Variants in MERTK observed in about 807,000 individuals in gnomAD.
MERTK encodes the protein tyrosine-protein kinase Mer.
A neutral mutation model predicts 99.3 loss-of-function variants in MERTK; 69 were observed. The observed-to-expected ratio is 0.70, with a 90% confidence interval of 0.57 to 0.85. MERTK has a LOEUF of 0.85. MERTK is among the 40% of genes least tolerant of loss of function. The pLI is 0.00. For synonymous variants in MERTK, 426 were observed against 467.6 expected (o/e 0.91, Z 1.15); for missense variants, 1,125 against 1,249.4 (o/e 0.90, Z 1.50).
chr2:111,901,559 CTTTTTTT>C (rs11459119), intron 1 of MERTK, among the ~76,000 whole-genome samples: 5 of 131,198 alleles, frequency 3.8e-5, no homozygotes, highest in Non-Finnish European at 6.4e-5. Flanking sequence ...TTCTTTCTTT[CTTTTTTT>C]TTTTTTTTTG....
chr2:111,997,010 C>T (rs1676759562), intron 9 of MERTK: 1 of 376,082 alleles, frequency 2.7e-6, no homozygotes, highest in Non-Finnish European at 5.0e-6. Context: ...TGTATAATGA[C>T]ATGAGTTTTC....
intron 1 of MERTK, among the ~76,000 whole-genome samples, chr2:111,920,631 G>A (rs1312801255): frequency 1.3e-5 from 2 of 149,706 alleles, no homozygotes; most frequent in South Asian, 2.1e-4. Context: ...CTAATGAAGT[G>A]TTGCTACTCT....
In MERTK at chr2:111,940,524, T is replaced by G. The variant is rs879061438; in HGVS notation, c.483-4436T>G. On this transcript the variant is annotated intron_variant, in intron 2 of 18. Coordinates refer to ENST00000295408, the MANE Select transcript of MERTK (RefSeq NM_006343.3). Reference sequence around the variant, plus strand: ...GCAAGCCCTCTTTTGTTTGATTTGCTTTAGCAACTGCATCCTGTGTCAGGT... The same window carrying G: ...GCAAGCCCTCTTTTGTTTGATTTGCGTTAGCAACTGCATCCTGTGTCAGGT... 3 of 603,810 alleles carry G rather than the reference T, an allele frequency of 5.0e-6. No homozygotes were observed. In the African/African-American group the frequency reaches 5.5e-5, roughly 11 times the overall value. 37.4% of individuals were successfully genotyped at this position (603,810 alleles called of 1,614,324 possible).
intron 18 of MERTK, chr2:112,026,220 CT>C (rs1275544677): frequency 6.5e-6 from 1 of 153,942 alleles, no homozygotes; most frequent in Non-Finnish European, 1.5e-5. Context: ...TTCACCATGT[CT>C]TTAAAAGTCA....
rs1176111087 is a variant in MERTK at position 112,028,610 on chromosome 2, A to G, written c.2746A>G (p.Thr916Ala). The G allele has an allele frequency of 6.2e-7, 1 of 1,614,204 alleles. No homozygotes were observed. The highest frequency in any genetic ancestry group is 8.5e-7 in the Non-Finnish European group (1 of 1,180,038). The change falls in exon 19 of 19, where the codon ACA (threonine) becomes GCA (alanine). Residue 916 changes from threonine (T) to alanine (A), a missense_variant. By Grantham distance (58) the Thr-to-Ala change is moderately conservative. Coordinates refer to ENST00000295408, the MANE Select transcript of MERTK (RefSeq NM_006343.3). ...TCCCCGCGCTGCCATCAGTGTGGTC[A>G]CAGCAGAAGTTCATGACAGCAAACC... ...CTPRAAISVV[T>A]AEVHDSKPHE...
chr2:112,028,720 A>G lies in MERTK; in HGVS notation c.2856A>G (p.Glu952=), dbSNP rs1212759867. 1 of 1,614,184 alleles carries G rather than the reference A, an allele frequency of 6.2e-7. No individual in the cohort carries two copies. The highest frequency in any genetic ancestry group is 2.2e-5 in the East Asian group (1 of 44,882). ...TSAPSAAVTA[E]KNSVLPGERL... is the part of the protein sequence containing the mutation. ...CCCCCTCTGCTGCAGTCACAGCTGA[A>G]AAGAACAGTGTTTTACCGGGGGAGA... The change falls in exon 19 of 19, where the codon GAA becomes GAG. Residue 952 remains glutamate, a synonymous_variant. Coordinates refer to ENST00000295408, the MANE Select transcript of MERTK (RefSeq NM_006343.3).
intron 1 of MERTK, among the ~76,000 whole-genome samples, chr2:111,922,748 G>A (rs1684488283): frequency 6.6e-6 from 1 of 152,242 alleles, no homozygotes; most frequent in African/African-American, 2.4e-5. Flanking sequence ...TTGAGGTGGT[G>A]AGGGACTGGG....
intron 9 of MERTK, chr2:111,994,785 G>GAAA (rs11287004): frequency 3.9e-5 from 7 of 181,504 alleles, no homozygotes; most frequent in East Asian, 1.5e-4. Flanking sequence ...CTCAAAAAAA[G>GAAA]AAAAAAAAAA....
intron 8 of MERTK, among the ~76,000 whole-genome samples, chr2:111,991,127 TG>T (rs1274264669): frequency 2.6e-5 from 4 of 152,118 alleles, no homozygotes; most frequent in Non-Finnish European, 5.9e-5. Context: ...GTTTGGTCCA[TG>T]GAGTTACTCT....
rs571255379 is a variant in MERTK at position 111,992,271 on chromosome 2, A to G, written c.1297-1980A>G. Among the ~76,000 whole-genome samples, 3 of 152,238 alleles carry G rather than the reference A, an allele frequency of 2.0e-5. No individual in the cohort carries two copies. In the East Asian group the frequency reaches 5.8e-4, roughly 29 times the overall value. ...CAATCACAGTTCTACATGGTTGTCA[A>G]TCACGCCTATCCAATGGAGCCTCCA... On this transcript the variant is annotated intron_variant, in intron 8 of 18. Coordinates refer to ENST00000295408, the MANE Select transcript of MERTK (RefSeq NM_006343.3).
intron 17 of MERTK, 143 bp from the exon 18 acceptor site, chr2:112,022,115 T>C: frequency 8.9e-7 from 1 of 1,123,900 alleles, no homozygotes; most frequent in Non-Finnish European, 1.3e-6. Flanking sequence ...ATTGCCGCGT[T>C]GGGAGAGCAG....
At chr2:111,926,516 C>T (rs1684570532) in intron 1 of MERTK, among the ~76,000 whole-genome samples, 1 of 150,954 alleles carries the variant, frequency 6.6e-6, no homozygotes, top group South Asian at 2.1e-4. Context: ...ATCACAAGGT[C>T]AAGAGATGAA....
At chr2:111,943,867 G>GT (rs1001347637) in intron 2 of MERTK, among the ~76,000 whole-genome samples, 6 of 152,164 alleles carry the variant, frequency 3.9e-5, no homozygotes, top group Admixed American at 2.6e-4. Flanking sequence ...ATATGGAACA[G>GT]TTGCCCTTGG....
chr2:111,915,034 G>T (rs780174782), intron 1 of MERTK, among the ~76,000 whole-genome samples: 1 of 152,026 alleles, frequency 6.6e-6, no homozygotes. Flanking sequence ...TTTGTTTTTC[G>T]GTAGTTTAAA....
At chr2:111,998,296 A>G (rs115543272) in intron 10 of MERTK, among the ~76,000 whole-genome samples, 2,455 of 152,324 alleles carry the variant, frequency 0.016, 65 homozygotes, top group African/African-American at 0.046. Context: ...CTAAATCTTG[A>G]ACATATAATT....
chr2:111,982,954 C>T lies in MERTK; in HGVS notation c.1257C>T (p.Gly419=), dbSNP rs767926830. ...AGCAGCAGGATGGAGAACTGGTGGG[C>T]TACCGGATATCCCACGTGTGGCAGA... ...PTKQQDGELV[G]YRISHVWQSA... The change falls in exon 8 of 19, where the codon GGC becomes GGT. Residue 419 remains glycine, a synonymous_variant. Transcript: ENST00000295408. 6.2e-6 allele frequency: 10 copies of T among 1,614,150 alleles called. No individual in the cohort carries two copies. Among genetic ancestry groups the T allele is most frequent in the Non-Finnish European group, 7.6e-6 (9 of 1,180,034 alleles).
chr2:111,960,367 GCTACT>G (rs1026588678), intron 4 of MERTK, among the ~76,000 whole-genome samples: 3 of 151,502 alleles, frequency 2.0e-5, no homozygotes, highest in Non-Finnish European at 4.4e-5. Flanking sequence ...TGTAATCCCA[GCTACT>G]TGGGAGACTG....
chr2:112,020,667 C>A (rs1402132432), intron 16 of MERTK: 1 of 471,016 alleles, frequency 2.1e-6, no homozygotes, highest in African/African-American at 2.0e-5. Flanking sequence ...AATTCCCCAT[C>A]TTCCCCAAAC....
intron 14 of MERTK, among the ~76,000 whole-genome samples, chr2:112,009,162 T>C (rs1677044928): frequency 6.6e-6 from 1 of 152,232 alleles, no homozygotes; most frequent in African/African-American, 2.4e-5. Context: ...CTAAGTTCTT[T>C]TGGGATCTTT....
Sources: allele counts gnomAD v4.1 joint callset (sites outside exome capture counted in the v4.1 genomes callset), GRCh38; gene constraint gnomAD v4.1.1; transcripts MANE v1.5; gene names NCBI Gene and HGNC (gene_info 2026-07-23, HGNC 2026-07-21).